MRPS9: variants seen among roughly 807,000 people sequenced by gnomAD.
MRPS9 encodes small ribosomal subunit protein uS9m.
A neutral mutation model predicts 59.9 loss-of-function variants in MRPS9; 45 were observed. The ratio of observed to expected loss-of-function variants is 0.75; its 90% CI spans 0.59 to 0.96. The LOEUF (loss-of-function observed/expected upper bound fraction) is 0.96, where lower values mean the gene tolerates loss of function less well. MRPS9 is among the 40% of genes least tolerant of loss of function. The pLI is 0.00. For synonymous variants in MRPS9, 171 were observed against 166.8 expected (o/e 1.03, Z -0.19); for missense variants, 473 against 481.1 (o/e 0.98, Z 0.16).
At chr2:105,078,565 A>G (rs895846925) in intron 4 of MRPS9, among the ~76,000 whole-genome samples, 1 of 152,212 alleles carries the variant, frequency 6.6e-6, no homozygotes, top group Non-Finnish European at 1.5e-5. Flanking sequence ...ATTTTGGAAA[A>G]GTGCTGAAAT....
chr2:105,048,180 T>C (rs1241060287), intron 1 of MRPS9, among the ~76,000 whole-genome samples: 1 of 151,894 alleles, frequency 6.6e-6, no homozygotes, highest in East Asian at 1.9e-4. Flanking sequence ...CATAAAAAAA[T>C]GATGAGTTCA....
intron 6 of MRPS9, 119 bp downstream of exon 6, chr2:105,089,188 A>G (rs950065948): frequency 5.7e-5 from 37 of 646,320 alleles, no homozygotes; most frequent in Non-Finnish European, 7.1e-5. Flanking sequence ...AGCATTAAGC[A>G]TTAAGGTTAG....
intron 7 of MRPS9, among the ~76,000 whole-genome samples, chr2:105,090,769 T>C (rs111408114): frequency 0.01 from 1,582 of 152,320 alleles, 24 homozygotes; most frequent in African/African-American, 0.036. Flanking sequence ...TTCACAAATT[T>C]TTCCAAGATG....
chr2:105,093,319 A>G (rs1680596671), intron 8 of MRPS9, among the ~76,000 whole-genome samples: 1 of 152,202 alleles, frequency 6.6e-6, no homozygotes, highest in South Asian at 2.1e-4. Context: ...ATGGAATTGA[A>G]GAACAAAATT....
At chr2:105,067,210 T>C (rs1680017515) in intron 2 of MRPS9, among the ~76,000 whole-genome samples, 1 of 152,224 alleles carries the variant, frequency 6.6e-6, no homozygotes, top group Non-Finnish European at 1.5e-5. Flanking sequence ...ATGCCATATA[T>C]ATAATCTTCG....
rs368890773 is a variant in MRPS9, at chr2:105,098,876, G to A, written c.1100-794G>A. ...CAATGTAAGAGCTTTCCCATCAGTG[G>A]TATTCTTGGAATCTATGGTCTTTAC... On this transcript the variant is annotated intron_variant, in intron 10 of 10. Coordinates refer to ENST00000258455, the MANE Select transcript of MRPS9 (RefSeq NM_182640.3). Among the ~76,000 whole-genome samples, 128 of 152,262 alleles carry A rather than the reference G, an allele frequency of 8.4e-4. 1 individual carries two copies. The highest frequency in any genetic ancestry group is 3.0e-3 in the African/African-American group (123 of 41,556).
At chr2:105,043,718 T>C (rs1426928850) in intron 1 of MRPS9, among the ~76,000 whole-genome samples, 1 of 152,044 alleles carries the variant, frequency 6.6e-6, no homozygotes, top group Non-Finnish European at 1.5e-5. Context: ...CACTGCAACC[T>C]CCGCCTCCTG....
intron 1 of MRPS9, among the ~76,000 whole-genome samples, chr2:105,048,296 G>C (rs1679634413): frequency 6.6e-6 from 1 of 151,772 alleles, no homozygotes; most frequent in African/African-American, 2.4e-5. Context: ...GGTAGGAATT[G>C]AACAATGAGA....
intron 4 of MRPS9, among the ~76,000 whole-genome samples, chr2:105,078,086 C>G (rs1206016678): frequency 6.7e-6 from 1 of 149,466 alleles, no homozygotes. Context: ...GTAGACAGAC[C>G]AATGAGCAAA....
At chr2:105,082,172 C>A (rs1014308378) in intron 5 of MRPS9, among the ~76,000 whole-genome samples, 6 of 152,218 alleles carry the variant, frequency 3.9e-5, no homozygotes, top group African/African-American at 1.4e-4. Context: ...GGGAGGTCGC[C>A]CCTGAAGACT....
intron 4 of MRPS9, among the ~76,000 whole-genome samples, chr2:105,078,515 G>C (rs1680260787): frequency 6.6e-6 from 1 of 152,064 alleles, no homozygotes. Context: ...AAAAATATTA[G>C]AAAATATGCC....
intron 2 of MRPS9, among the ~76,000 whole-genome samples, chr2:105,063,599 A>T (rs1199900462): frequency 1.3e-5 from 2 of 152,236 alleles, no homozygotes; most frequent in African/African-American, 2.4e-5. Flanking sequence ...AGTAAAATAC[A>T]ATTGCAAACA....
chr2:105,090,060 T>G, intron 7 of MRPS9, 65 bp downstream of exon 7: 1 of 881,248 alleles, frequency 1.1e-6, no homozygotes, highest in Non-Finnish European at 1.8e-6. Flanking sequence ...ATTGCTGTAT[T>G]TAGGATCCTA....
intron 2 of MRPS9, among the ~76,000 whole-genome samples, chr2:105,058,501 C>T (rs936334447): frequency 1.3e-5 from 2 of 152,108 alleles, no homozygotes; most frequent in African/African-American, 4.8e-5. Context: ...TATCAGTATT[C>T]TAGTTAAAAC....
chr2:105,095,436 G>A (rs1431389405), intron 9 of MRPS9, among the ~76,000 whole-genome samples: 1 of 151,702 alleles, frequency 6.6e-6, no homozygotes, highest in Non-Finnish European at 1.5e-5. Context: ...GAGTCATGGA[G>A]CCAGATGGTC....
intron 2 of MRPS9, among the ~76,000 whole-genome samples, chr2:105,067,603 T>A (rs1013387660): frequency 6.6e-6 from 1 of 152,232 alleles, no homozygotes; most frequent in African/African-American, 2.4e-5. Flanking sequence ...TTAGCATTTG[T>A]TGGTGATCCT....
chr2:105,057,000 T>C (rs1558753041), intron 2 of MRPS9, among the ~76,000 whole-genome samples: 1 of 152,198 alleles, frequency 6.6e-6, no homozygotes, highest in Non-Finnish European at 1.5e-5. Flanking sequence ...TCGACCTTTT[T>C]ATTAAGTTTA....
At chr2:105,075,750 A>C (rs1277556079) in intron 4 of MRPS9, among the ~76,000 whole-genome samples, 1 of 152,202 alleles carries the variant, frequency 6.6e-6, no homozygotes, top group Non-Finnish European at 1.5e-5. Context: ...CTCTGTGTTA[A>C]TTGAGTCAAG....
chr2:105,085,148 ATATTG>A (rs1386009322), intron 5 of MRPS9, among the ~76,000 whole-genome samples: 3 of 152,154 alleles, frequency 2.0e-5, no homozygotes, highest in Non-Finnish European at 2.9e-5. Context: ...TCTATATAGT[ATATTG>A]TATTGTATTC....
Sources: allele counts gnomAD v4.1 joint callset (sites outside exome capture counted in the v4.1 genomes callset), GRCh38; gene constraint gnomAD v4.1.1; transcripts MANE v1.5; gene names NCBI Gene and HGNC (gene_info 2026-07-23, HGNC 2026-07-21).